The following HERC2 variants were observed in gnomAD, a reference collection of about 807,000 sequenced individuals.
HERC2 encodes the protein HECT and RLD domain containing E3 ubiquitin protein ligase 2.
A neutral mutation model predicts 537.7 loss-of-function variants in HERC2; 102 were observed. That is an observed-to-expected ratio of 0.19 (90% CI 0.16 to 0.22). HERC2 has a LOEUF of 0.22. Among genes scored for constraint, HERC2 ranks in the 10% least tolerant of loss-of-function variants. HERC2 has a pLI of 1.00. For missense variants in HERC2, 4,236 were observed against 6,198.2 expected (o/e 0.68, Z 10.63); for synonymous variants, 2,224 against 2,466.2 (o/e 0.90, Z 2.91).
chr15:28,244,337 C>T (rs1903444785), intron 23 of HERC2, among the ~76,000 whole-genome samples: 1 of 152,000 alleles, frequency 6.6e-6, no homozygotes, highest in Admixed American at 6.6e-5. Flanking sequence ...AGGTACGTAC[C>T]GTCTAGTTCC....
intron 78 of HERC2, 144 bp downstream of exon 78, chr15:28,141,288 T>C: frequency 1.6e-6 from 1 of 621,576 alleles, no homozygotes; most frequent in Non-Finnish European, 2.8e-6. Context: ...CTTAGAACTC[T>C]AGCTGCTTCC....
intron 69 of HERC2, among the ~76,000 whole-genome samples, chr15:28,160,791 G>A (rs1221355568): frequency 6.6e-6 from 1 of 152,198 alleles, no homozygotes; most frequent in Non-Finnish European, 1.5e-5. Flanking sequence ...TATCTCAGTT[G>A]GAAATGCAGA....
intron 4 of HERC2, among the ~76,000 whole-genome samples, chr15:28,281,807 C>G (rs1267291970): frequency 6.6e-6 from 1 of 152,238 alleles, no homozygotes; most frequent in Admixed American, 6.5e-5. Context: ...CCGAGCCACC[C>G]TTCAGGCAAG....
chr15:28,255,005 C>G (rs1350938829), intron 19 of HERC2, among the ~76,000 whole-genome samples: 1 of 152,250 alleles, frequency 6.6e-6, no homozygotes, highest in Non-Finnish European at 1.5e-5. Context: ...CACTAAAGTA[C>G]TTGTACACAG....
intron 19 of HERC2, among the ~76,000 whole-genome samples, chr15:28,255,494 G>GC (rs1342330738): frequency 6.6e-6 from 1 of 152,178 alleles, no homozygotes; most frequent in Admixed American, 6.5e-5. Flanking sequence ...CCAAGGCAAA[G>GC]CAAGAAAGAG....
At chr15:28,247,232 G>C (rs1015020956) in intron 21 of HERC2, among the ~76,000 whole-genome samples, 4 of 151,962 alleles carry the variant, frequency 2.6e-5, no homozygotes, top group Non-Finnish European at 5.9e-5. Flanking sequence ...CTGGGCTCAA[G>C]TGATCCTCCT....
At chr15:28,312,359 C>T (rs1456425217) in intron 2 of HERC2, among the ~76,000 whole-genome samples, 32 of 151,828 alleles carry the variant, frequency 2.1e-4, no homozygotes, top group South Asian at 1.5e-3. Context: ...ACAGGCAGGG[C>T]GTGGTGGCCC....
At position 28,192,106 on chromosome 15, in the gene HERC2, C is replaced by T. The variant is rs1896907422; in HGVS notation, c.8306G>A (p.Arg2769His). The change falls in exon 53 of 93, where the codon CGT becomes CAT. Residue 2769 changes from arginine (R) to histidine (H), a missense_variant. Physicochemically the swap from Arg to His is conservative, Grantham distance 29 (BLOSUM62 0). Transcript: ENST00000261609. ...CATGCCTGGCTGGCTGCTGTGGCAACGCTTCAGCTGTTTTCCAGAACGGCC... is the reference window on the plus strand; with the variant it reads ...CATGCCTGGCTGGCTGCTGTGGCAATGCTTCAGCTGTTTTCCAGAACGGCC... ...FCGRSGKQLK[R>H]CHSSQPGMLL... 12 of 1,613,878 alleles carry T rather than the reference C, an allele frequency of 7.4e-6. No homozygotes were observed. The highest frequency in any genetic ancestry group is 1.1e-5 in the South Asian group (1 of 91,084).
At chr15:28,189,211 G>A (rs1175619550) in intron 55 of HERC2, among the ~76,000 whole-genome samples, 1 of 152,208 alleles carries the variant, frequency 6.6e-6, no homozygotes, top group Non-Finnish European at 1.5e-5. Flanking sequence ...TGCAGGTTAG[G>A]TCAGGAGTTT....
Position 28,257,334 on chromosome 15 carries a change from C to T in HERC2, c.2317-73G>A, listed in dbSNP as rs570593114. ...TGGTCTGCTCCACAGGAGTCACCAG[C>T]GTGTGTGATGGAGCTGCCTTATACT... is the stretch of plus-strand genomic sequence containing the variant. On this transcript the variant is annotated intron_variant, in intron 16 of 92. Transcript: ENST00000261609. 1.2e-5 allele frequency: 15 copies of T among 1,304,212 alleles called. No homozygotes were observed. The East Asian group carries it at 3.1e-4, about 27-fold the overall frequency. The allele number at this position is 1,304,212 out of a possible 1,614,324, so 80.8% of individuals were successfully genotyped here.
chr15:28,269,584 G>A (rs2075663454), intron 10 of HERC2, 148 bp from the exon 11 acceptor site: 4 of 624,630 alleles, frequency 6.4e-6, no homozygotes, highest in Non-Finnish European at 8.2e-6. Flanking sequence ...ATACCAGCCT[G>A]TATTACCTCA....
chr15:28,210,712 T>C (rs1414629182), intron 44 of HERC2, among the ~76,000 whole-genome samples: 2 of 152,046 alleles, frequency 1.3e-5, no homozygotes, highest in Non-Finnish European at 2.9e-5. Flanking sequence ...GAGTCTGCAT[T>C]TCTAACACAT....
At chr15:28,162,323 T>G (rs910780558) in intron 69 of HERC2, among the ~76,000 whole-genome samples, 1 of 152,104 alleles carries the variant, frequency 6.6e-6, no homozygotes, top group Admixed American at 6.6e-5. Flanking sequence ...AAGGAGACTG[T>G]CTCAAAAACC....
chr15:28,252,883 G>T (rs2075128721), intron 20 of HERC2, among the ~76,000 whole-genome samples: 1 of 152,146 alleles, frequency 6.6e-6, no homozygotes, highest in African/African-American at 2.4e-5. Context: ...TCTGGTTGTG[G>T]ACAGCAGGCC....
At chr15:28,214,942 G>C in intron 39 of HERC2, 140 bp from the exon 40 acceptor site, 1 of 665,820 alleles carries the variant, frequency 1.5e-6, no homozygotes. Context: ...GCACGGTCTC[G>C]GCTCACTACA....
intron 74 of HERC2, 144 bp from the exon 75 acceptor site, chr15:28,143,096 A>C (rs925580225): frequency 8.1e-6 from 6 of 737,484 alleles, no homozygotes; most frequent in Non-Finnish European, 1.3e-5. Flanking sequence ...AAAATTCTCA[A>C]GTAGGAAAAA....
At position 28,268,145 on chromosome 15, in the gene HERC2, G is replaced by C. The variant is rs1475629104; in HGVS notation, c.1598+320C>G. Among the ~76,000 whole-genome samples the C allele has an allele frequency of 6.6e-6, 1 of 152,206 alleles. No homozygotes were observed. ...TTATCTATGAGAGACAGGGTGAACT[G>C]TTTGTGAATGAAGGAACAGTGGTGT... is the stretch of plus-strand genomic sequence containing the variant. On this transcript the variant is annotated intron_variant, in intron 12 of 92. Coordinates refer to ENST00000261609, the MANE Select transcript of HERC2 (RefSeq NM_004667.6). The surrounding 1 kb of genome is among the most constrained non-coding windows in gnomAD (Gnocchi z 4.7).
At chr15:28,255,074 G>A (rs1446143525) in intron 19 of HERC2, among the ~76,000 whole-genome samples, 1 of 152,194 alleles carries the variant, frequency 6.6e-6, no homozygotes, top group Non-Finnish European at 1.5e-5. Context: ...GGTCGCTCAT[G>A]CTTGTAATCC....
At position 28,254,499 on chromosome 15, in the gene HERC2, T is replaced by G; in HGVS notation, c.2891A>C (p.Glu964Ala). Reference sequence around the variant, plus strand: ...ATCAATTTCTTTTTCCTTCTGTGCTTCTTTTTTGGCTTCAATATCCTGTAA... The same window carrying G: ...ATCAATTTCTTTTTCCTTCTGTGCTGCTTTTTTGGCTTCAATATCCTGTAA... ...AEIQDIEAKK[E>A]AQKEKEIDEQ... is the part of the protein sequence containing the mutation. The change falls in exon 20 of 93, where the codon GAA becomes GCA. Residue 964 changes from glutamate (E) to alanine (A), a missense_variant. Coordinates refer to ENST00000261609, the MANE Select transcript of HERC2 (RefSeq NM_004667.6). 6.3e-7 allele frequency: 1 copy of G among 1,595,294 alleles called. No homozygotes were observed. Among genetic ancestry groups the G allele is most frequent in the Non-Finnish European group, 8.5e-7 (1 of 1,174,936 alleles).
Sources: gnomAD v4.1 joint callset for allele counts (sites outside exome capture counted in the v4.1 genomes callset) on GRCh38, gnomAD v4.1.1 for gene constraint, Gnocchi (gnomAD v3.1) non-coding constraint, MANE v1.5 for transcripts, NCBI Gene and HGNC (gene_info 2026-07-23, HGNC 2026-07-21) for gene names.